Variants in AOPEP observed in about 807,000 individuals in gnomAD.
The protein encoded by AOPEP is aminopeptidase O (putative), also known as aminopeptidase O.
A neutral mutation model predicts 98.1 loss-of-function variants in AOPEP; 77 were observed. The ratio of observed to expected loss-of-function variants is 0.78; its 90% CI spans 0.65 to 0.95. The LOEUF (loss-of-function observed/expected upper bound fraction) is 0.95. Among genes scored for constraint, AOPEP ranks in the 40% least tolerant of loss-of-function variants. The pLI is 0.00. For synonymous variants in AOPEP, 346 were observed against 365.3 expected (o/e 0.95, Z 0.60); for missense variants, 1,024 against 1,024.7 (o/e 1.00, Z 0.01).
At chr9:95,102,013 T>C in the AOPEP span, among the ~76,000 whole-genome samples, 1 of 152,194 alleles carries the variant, frequency 6.6e-6, no homozygotes, top group African/African-American at 2.4e-5. Flanking sequence ...GCAAGGTGAT[T>C]AGCATAGCAA....
intron 11 of AOPEP, among the ~76,000 whole-genome samples, chr9:95,001,653 T>C (rs2061564034): frequency 1.3e-5 from 2 of 152,258 alleles, no homozygotes; most frequent in South Asian, 2.1e-4. Context: ...TCATGCAATA[T>C]GTAAATCTTT....
chr9:94,825,172 A>G (rs7850680), intron 5 of AOPEP, among the ~76,000 whole-genome samples: 10,764 of 152,166 alleles, frequency 0.071, 1,108 homozygotes, highest in African/African-American at 0.23. Flanking sequence ...TACTATTTTT[A>G]AAGTTTGCTT....
chr9:95,149,392 G>A, the AOPEP span, among the ~76,000 whole-genome samples: 1 of 151,736 alleles, frequency 6.6e-6, no homozygotes, highest in African/African-American at 2.4e-5. Context: ...TATGACATGT[G>A]TTTACCTATG....
intron 1 of AOPEP, among the ~76,000 whole-genome samples, chr9:94,749,172 G>A (rs550720383): frequency 4.5e-4 from 68 of 152,148 alleles, no homozygotes; most frequent in Non-Finnish European, 6.8e-4. Context: ...TCAATTATTT[G>A]TTTATATCAG....
intron 3 of AOPEP, among the ~76,000 whole-genome samples, chr9:94,789,504 C>T (rs1365073719): frequency 2.6e-5 from 4 of 152,046 alleles, no homozygotes; most frequent in Admixed American, 2.6e-4. Flanking sequence ...GTTCCTTACC[C>T]ATAACTTCTT....
intron 4 of AOPEP, 69 bp from the exon 5 acceptor site, chr9:94,800,688 G>A (rs1364775101): frequency 2.6e-6 from 4 of 1,563,240 alleles, no homozygotes; most frequent in Non-Finnish European, 3.5e-6. Flanking sequence ...GTCTACATCT[G>A]CAAGATTGCC....
At chr9:94,802,851 G>A (rs1189500051) in intron 5 of AOPEP, among the ~76,000 whole-genome samples, 1 of 152,136 alleles carries the variant, frequency 6.6e-6, no homozygotes. Flanking sequence ...GGGGATTGTG[G>A]TCTCTTCCAC....
chr9:94,759,407 A>G (rs1024785463), intron 1 of AOPEP, among the ~76,000 whole-genome samples: 3 of 152,234 alleles, frequency 2.0e-5, no homozygotes, highest in African/African-American at 7.2e-5. Context: ...TTCTCATTGG[A>G]GCGTGCTTCT....
At chr9:94,986,121 C>T (rs2060498844) in intron 11 of AOPEP, among the ~76,000 whole-genome samples, 1 of 152,146 alleles carries the variant, frequency 6.6e-6, no homozygotes, top group African/African-American at 2.4e-5. Flanking sequence ...GCTGGAGGTC[C>T]AAGACCAAGG....
chr9:95,033,874 C>A (rs184003043), intron 13 of AOPEP, among the ~76,000 whole-genome samples: 1 of 152,212 alleles, frequency 6.6e-6, no homozygotes, highest in Admixed American at 6.5e-5. Flanking sequence ...GTTAAACATC[C>A]CCAATTTCAT....
chr9:95,107,747 C>T, the AOPEP span, among the ~76,000 whole-genome samples: 1 of 152,142 alleles, frequency 6.6e-6, no homozygotes, highest in African/African-American at 2.4e-5. Context: ...GGAACACACA[C>T]ACATGCACGC....
intron 13 of AOPEP, among the ~76,000 whole-genome samples, chr9:95,048,173 C>T (rs2066006606): frequency 1.3e-5 from 2 of 151,964 alleles, no homozygotes; most frequent in East Asian, 3.9e-4. Context: ...GATGTTTTGC[C>T]ACAGTAATAC....
intron 7 of AOPEP, among the ~76,000 whole-genome samples, chr9:94,934,352 T>C (rs2055914040): frequency 7.0e-6 from 1 of 143,242 alleles, no homozygotes; most frequent in Admixed American, 7.1e-5. Context: ...AGTCTGGCTC[T>C]ATTGCCCAGG....
chr9:95,004,936 C>A, intron 11 of AOPEP: 1 of 145,890 alleles, frequency 6.9e-6, no homozygotes. Context: ...CGGTGCCCGC[C>A]CGCCCGCCCG....
chr9:94,991,310 T>C (rs1210744171), intron 11 of AOPEP, among the ~76,000 whole-genome samples: 1 of 152,270 alleles, frequency 6.6e-6, no homozygotes, highest in Admixed American at 6.5e-5. Context: ...GTATTTCTCC[T>C]GTGTGGCCTC....
intron 13 of AOPEP, among the ~76,000 whole-genome samples, chr9:95,023,697 C>T (rs1336694437): frequency 2.0e-5 from 3 of 152,132 alleles, no homozygotes; most frequent in East Asian, 3.8e-4. Flanking sequence ...CCCTGACCCC[C>T]GCCTCCCAGC....
intron 5 of AOPEP, among the ~76,000 whole-genome samples, chr9:94,806,411 G>C (rs944012032): frequency 2.0e-5 from 3 of 152,174 alleles, no homozygotes; most frequent in African/African-American, 7.2e-5. Flanking sequence ...GGGTGTGAAT[G>C]ATAGAAAGCA....
intron 1 of AOPEP, among the ~76,000 whole-genome samples, chr9:94,734,519 G>C (rs1831302359): frequency 6.6e-6 from 1 of 152,148 alleles, no homozygotes; most frequent in African/African-American, 2.4e-5. Context: ...GTCCTACACA[G>C]GAAGCCCTGC....
At chr9:94,857,383 G>C (rs1351345175) in intron 5 of AOPEP, among the ~76,000 whole-genome samples, 2 of 152,146 alleles carry the variant, frequency 1.3e-5, no homozygotes, top group Non-Finnish European at 2.9e-5. Flanking sequence ...GGAAATTTCC[G>C]ATTTGCTTTG....
Sources: gnomAD v4.1 joint callset for allele counts (sites outside exome capture counted in the v4.1 genomes callset) on GRCh38, gnomAD v4.1.1 for gene constraint, MANE v1.5 for transcripts, NCBI Gene and HGNC (gene_info 2026-07-23, HGNC 2026-07-21) for gene names.